GRIA2: variants seen among roughly 807,000 people sequenced by gnomAD.
The protein encoded by GRIA2 is glutamate ionotropic receptor AMPA type subunit 2, also known as glutamate receptor 2.
Under a neutral mutation model 97.3 loss-of-function variants are expected in GRIA2, and 14 were observed. The observed-to-expected ratio is 0.14, with a 90% CI of 0.10 to 0.23. The LOEUF (loss-of-function observed/expected upper bound fraction) is 0.23, where lower values mean the gene tolerates loss of function less well. Among genes scored for constraint, GRIA2 ranks in the 10% least tolerant of loss-of-function variants. The pLI is 1.00. For missense variants in GRIA2, 558 were observed against 1,069.8 expected (o/e 0.52, Z 6.67); for synonymous variants, 412 against 387.8 (o/e 1.06, Z -0.73).
chr4:157,224,326 C>T (rs1729645464), intron 2 of GRIA2, among the ~76,000 whole-genome samples: 1 of 152,084 alleles, frequency 6.6e-6, no homozygotes, highest in African/African-American at 2.4e-5. Flanking sequence ...TTGCAACTCC[C>T]ATGTTATAAG....
At chr4:157,319,237 C>T (rs770045375) in intron 5 of GRIA2, among the ~76,000 whole-genome samples, 4 of 152,132 alleles carry the variant, frequency 2.6e-5, no homozygotes, top group Non-Finnish European at 5.9e-5. Flanking sequence ...CTGTGTGAAT[C>T]GTGCCATTTG....
chr4:157,339,697 A>T (rs540918291), intron 11 of GRIA2, among the ~76,000 whole-genome samples: 2 of 152,028 alleles, frequency 1.3e-5, no homozygotes, highest in East Asian at 3.9e-4. Flanking sequence ...AGTCAAAAGC[A>T]ATTACCATGT....
At chr4:157,262,535 A>G (rs903068994) in intron 2 of GRIA2, among the ~76,000 whole-genome samples, 3 of 152,080 alleles carry the variant, frequency 2.0e-5, no homozygotes, top group African/African-American at 7.2e-5. Context: ...CTTAGAGGGC[A>G]TCAGGAATGA....
intron 12 of GRIA2, among the ~76,000 whole-genome samples, chr4:157,357,846 G>A (rs1030018632): frequency 2.6e-5 from 4 of 151,882 alleles, no homozygotes; most frequent in African/African-American, 9.7e-5. Flanking sequence ...TTTACACTTA[G>A]AGAAATATTC....
intron 2 of GRIA2, among the ~76,000 whole-genome samples, chr4:157,249,299 G>A (rs546934520): frequency 3.9e-5 from 6 of 152,262 alleles, no homozygotes; most frequent in African/African-American, 1.4e-4. Flanking sequence ...TCCTCTGACT[G>A]TTCAAGAGTT....
chr4:157,309,630 A>C (rs1308960850), intron 3 of GRIA2, among the ~76,000 whole-genome samples: 1 of 152,160 alleles, frequency 6.6e-6, no homozygotes, highest in African/African-American at 2.4e-5. Flanking sequence ...GCATTTCTTT[A>C]AATGCATTCT....
chr4:157,229,453 G>A (rs1013504876), intron 2 of GRIA2, among the ~76,000 whole-genome samples: 1 of 152,066 alleles, frequency 6.6e-6, no homozygotes, highest in Non-Finnish European at 1.5e-5. Context: ...GAAATTTATT[G>A]GTATCTTCAG....
chr4:157,327,260 A>C (rs1460803396), intron 6 of GRIA2, among the ~76,000 whole-genome samples: 1 of 152,134 alleles, frequency 6.6e-6, no homozygotes, highest in Non-Finnish European at 1.5e-5. Flanking sequence ...ATGAAGAGTA[A>C]TTATTTGGAA....
intron 2 of GRIA2, among the ~76,000 whole-genome samples, chr4:157,230,379 A>G (rs1351010543): frequency 6.6e-6 from 1 of 152,200 alleles, no homozygotes; most frequent in Non-Finnish European, 1.5e-5. Context: ...TGAAATTACT[A>G]TATTTCTTAA....
chr4:157,342,491 G>T, intron 12 of GRIA2: 1 of 978,374 alleles, frequency 1.0e-6, no homozygotes, highest in South Asian at 4.7e-5. Flanking sequence ...CAATATAAGT[G>T]CAAAAATGTG....
intron 6 of GRIA2, among the ~76,000 whole-genome samples, chr4:157,327,070 AAAT>A (rs1217434280): frequency 6.6e-6 from 1 of 152,204 alleles, no homozygotes; most frequent in Non-Finnish European, 1.5e-5. Context: ...TTCATAAATG[AAAT>A]AATAATTGTA....
intron 2 of GRIA2, among the ~76,000 whole-genome samples, chr4:157,265,468 G>C (rs1579316367): frequency 6.6e-6 from 1 of 152,108 alleles, no homozygotes; most frequent in African/African-American, 2.4e-5. Context: ...GTTTCGAATT[G>C]CATGATGACT....
intron 2 of GRIA2, among the ~76,000 whole-genome samples, chr4:157,271,912 C>T (rs768591624): frequency 6.6e-6 from 1 of 152,042 alleles, no homozygotes; most frequent in Admixed American, 6.6e-5. Context: ...TTCACAGTAT[C>T]GTACTTTCTG....
At chr4:157,362,084 CTGTT>C (rs1736655439) in intron 14 of GRIA2, among the ~76,000 whole-genome samples, 1 of 152,118 alleles carries the variant, frequency 6.6e-6, no homozygotes, top group Admixed American at 6.6e-5. Flanking sequence ...CATGTGTGCT[CTGTT>C]TGTATTGAAT....
At chr4:157,349,470 CCCTTCCTT>C (rs563118474) in intron 12 of GRIA2, among the ~76,000 whole-genome samples, 3 of 139,592 alleles carry the variant, frequency 2.1e-5, no homozygotes, top group Non-Finnish European at 3.1e-5. Flanking sequence ...CCTCCCCCCA[CCCTTCCTT>C]CCTTCCTTCC....
At chr4:157,296,299 A>C (rs1733346825) in intron 2 of GRIA2, among the ~76,000 whole-genome samples, 1 of 152,102 alleles carries the variant, frequency 6.6e-6, no homozygotes, top group Non-Finnish European at 1.5e-5. Context: ...GGATAAAAAT[A>C]TTGTTTTGAC....
intron 2 of GRIA2, among the ~76,000 whole-genome samples, chr4:157,260,892 T>A (rs1731500601): frequency 6.6e-6 from 1 of 151,996 alleles, no homozygotes. Flanking sequence ...TCATTCCTGC[T>A]CCTTTTCTTC....
At chr4:157,261,238 A>G (rs1461906403) in intron 2 of GRIA2, among the ~76,000 whole-genome samples, 2 of 152,088 alleles carry the variant, frequency 1.3e-5, no homozygotes, top group African/African-American at 2.4e-5. Flanking sequence ...GTTGACACAT[A>G]ATTTTATATA....
chr4:157,312,824 G>A lies in GRIA2; in HGVS notation c.615G>A (p.Arg205=), dbSNP rs2126886011. 1.9e-6 allele frequency: 3 copies of A among 1,612,240 alleles called. No individual in the cohort carries two copies. Among genetic ancestry groups the A allele is most frequent in the East Asian group, 2.2e-5 (1 of 44,814 alleles). ...AAGATCTGGAGTTAAAAAAGGAACG[G>A]CGTGTAATTCTGGACTGTGAAAGGG... ...LFQDLELKKE[R]RVILDCERDK... The change falls in exon 4 of 16, where the codon CGG becomes CGA. Residue 205 remains arginine (R), a synonymous_variant. Transcript: ENST00000264426.
Sources: allele counts gnomAD v4.1 joint callset (sites outside exome capture counted in the v4.1 genomes callset), GRCh38; gene constraint gnomAD v4.1.1; transcripts MANE v1.5; gene names NCBI Gene and HGNC (gene_info 2026-07-23, HGNC 2026-07-21).